TLN2: variants seen among roughly 807,000 people sequenced by gnomAD.
TLN2 encodes the protein talin 2, also known as talin-2.
In TLN2, 118 loss-of-function variants were observed where a neutral mutation model predicts 294.7. That is an observed-to-expected ratio of 0.40 (90% CI 0.34 to 0.47). The LOEUF is 0.47. Ranked by LOEUF, TLN2 falls within the 20% of genes least tolerant of loss-of-function variation. The probability of loss-of-function intolerance (pLI) is 0.84; values close to 1 mark genes in which losing one functional copy is unlikely to be tolerated. For synonymous variants in TLN2, 1,431 were observed against 1,304.5 expected, an observed-to-expected ratio of 1.10 and a Z score of -2.09; for missense variants, 3,083 against 3,282.2, an observed-to-expected ratio of 0.94 and a Z score of 1.48.
At chr15:62,431,241 C>A (rs567402133) in intron 1 of TLN2, among the ~76,000 whole-genome samples, 24 of 151,762 alleles carry the variant, frequency 1.6e-4, no homozygotes, top group Non-Finnish European at 2.6e-4. Context: ...GAGCTTTTCC[C>A]TTTGGAGAAG....
chr15:62,686,514 T>C (rs1303859819), intron 11 of TLN2, 127 bp from the exon 12 acceptor site: 2 of 1,127,572 alleles, frequency 1.8e-6, no homozygotes, highest in Non-Finnish European at 1.2e-6. Flanking sequence ...AAATCTTGGT[T>C]TCCCTATAGC....
At chr15:62,457,650 G>A (rs938572502) in intron 1 of TLN2, among the ~76,000 whole-genome samples, 15 of 152,158 alleles carry the variant, frequency 9.9e-5, no homozygotes, top group Non-Finnish European at 1.3e-4. Flanking sequence ...GGTTTGTGTC[G>A]GGGTTTTCCA....
chr15:62,658,787 C>A (rs1246577628), intron 9 of TLN2, among the ~76,000 whole-genome samples: 5 of 152,204 alleles, frequency 3.3e-5, no homozygotes, highest in Admixed American at 1.3e-4. Context: ...GCCATGTGCA[C>A]AAGTTCCTTT....
At position 62,790,406 on chromosome 15, in the gene TLN2, G is replaced by C. The variant is rs181805760; in HGVS notation, c.5737-2235G>C. ...TAGAAAAACACTGATCTACCGAGTA[G>C]AGCACTGTGCTCAGGATTAAAGACC... On this transcript the variant is annotated intron_variant, in intron 45 of 58. Coordinates refer to ENST00000636159, the MANE Select transcript of TLN2 (RefSeq NM_015059.3). 2.8e-4 allele frequency among the ~76,000 whole-genome samples: 42 copies of C among 152,316 alleles called. 1 individual carries two copies. Among genetic ancestry groups the C allele is most frequent in the Admixed American group, 1.5e-3 (23 of 15,306 alleles).
intron 2 of TLN2, among the ~76,000 whole-genome samples, chr15:62,605,503 C>T (rs557180182): frequency 1.2e-3 from 177 of 152,292 alleles, no homozygotes; most frequent in Non-Finnish European, 2.0e-3. Context: ...GGAACAGGCT[C>T]TGGGCTGAGC....
chr15:62,831,139 C>G (rs368876196), intron 54 of TLN2: 6 of 151,496 alleles, frequency 4.0e-5, no homozygotes, highest in Admixed American at 4.0e-4. Flanking sequence ...CTGCTAAAGA[C>G]GTAGCACTTA....
At chr15:62,654,644 A>G (rs2052985526) in intron 7 of TLN2, among the ~76,000 whole-genome samples, 2 of 149,138 alleles carry the variant, frequency 1.3e-5, no homozygotes, top group South Asian at 4.3e-4. Context: ...AATCCCAACT[A>G]TGCGGGAGAC....
chr15:62,474,450 A>G (rs1395247590), intron 1 of TLN2, among the ~76,000 whole-genome samples: 1 of 152,030 alleles, frequency 6.6e-6, no homozygotes, highest in African/African-American at 2.4e-5. Flanking sequence ...TGAGACCAAC[A>G]TAGTCAGACC....
intron 51 of TLN2, among the ~76,000 whole-genome samples, chr15:62,807,872 G>A (rs1283796277): frequency 1.3e-5 from 2 of 152,178 alleles, no homozygotes; most frequent in African/African-American, 2.4e-5. Context: ...GACTGACTTA[G>A]CGAACTCACT....
intron 5 of TLN2, among the ~76,000 whole-genome samples, chr15:62,651,406 A>G (rs1283847239): frequency 6.6e-6 from 1 of 152,200 alleles, no homozygotes; most frequent in Non-Finnish European, 1.5e-5. Context: ...TGTTCAGTAC[A>G]CTATTTTTTC....
At chr15:62,416,096 T>C (rs1047369752) in intron 1 of TLN2, among the ~76,000 whole-genome samples, 1 of 152,120 alleles carries the variant, frequency 6.6e-6, no homozygotes, top group Non-Finnish European at 1.5e-5. Context: ...CTCAGGAGTC[T>C]GAGACCACCC....
chr15:62,641,641 A>T (rs533145171), intron 3 of TLN2, among the ~76,000 whole-genome samples: 75 of 116,602 alleles, frequency 6.4e-4, no homozygotes, highest in African/African-American at 1.5e-3. Context: ...AATAAAAAAA[A>T]AATAATAATA....
At chr15:62,467,538 C>T (rs1019501708) in intron 1 of TLN2, among the ~76,000 whole-genome samples, 3 of 151,928 alleles carry the variant, frequency 2.0e-5, no homozygotes, top group South Asian at 4.1e-4. Flanking sequence ...ACTAAAAATA[C>T]GAAATTAGCC....
intron 3 of TLN2, among the ~76,000 whole-genome samples, chr15:62,636,846 T>C (rs2050430471): frequency 6.6e-6 from 1 of 152,220 alleles, no homozygotes; most frequent in African/African-American, 2.4e-5. Context: ...AAGCGCAGCA[T>C]GAAGAGAGTC....
intron 1 of TLN2, among the ~76,000 whole-genome samples, chr15:62,392,027 C>T (rs2032135384): frequency 6.6e-6 from 1 of 152,246 alleles, no homozygotes; most frequent in Admixed American, 6.5e-5. Flanking sequence ...GGATCAGGAC[C>T]AGGGCCTGGC....
intron 41 of TLN2, among the ~76,000 whole-genome samples, chr15:62,767,581 C>T (rs2063093913): frequency 6.6e-6 from 1 of 152,180 alleles, no homozygotes; most frequent in African/African-American, 2.4e-5. Context: ...TCAGGTGACC[C>T]ACCTGCCTCG....
chr15:62,541,713 T>C (rs1444631368), intron 1 of TLN2, among the ~76,000 whole-genome samples: 2 of 152,150 alleles, frequency 1.3e-5, no homozygotes, highest in Non-Finnish European at 1.5e-5. Context: ...TGAAATGTTT[T>C]GTGACAATTC....
At chr15:62,501,028 C>T (rs1199008274) in intron 1 of TLN2, among the ~76,000 whole-genome samples, 1 of 152,216 alleles carries the variant, frequency 6.6e-6, no homozygotes, top group African/African-American at 2.4e-5. Context: ...CACTGAAAAA[C>T]GCATCTTGTG....
intron 44 of TLN2, 143 bp from the exon 45 acceptor site, chr15:62,783,628 C>G (rs2064377244): frequency 1.4e-6 from 2 of 1,431,144 alleles, no homozygotes; most frequent in South Asian, 1.5e-5. Flanking sequence ...GCCCCAAATG[C>G]AAGGCCTGGC....
Sources: gnomAD v4.1 joint callset for allele counts (sites outside exome capture counted in the v4.1 genomes callset) on GRCh38, gnomAD v4.1.1 for gene constraint, MANE v1.5 for transcripts, NCBI Gene and HGNC (gene_info 2026-07-23, HGNC 2026-07-21) for gene names.